SH3TC1: variants seen among roughly 807,000 people sequenced by gnomAD.
SH3TC1 encodes SH3 domain and tetratricopeptide repeats 1.
Under a neutral mutation model 117.3 loss-of-function variants are expected in SH3TC1, and 135 were observed. The observed-to-expected ratio is 1.15, with a 90% confidence interval of 1.00 to 1.33. The LOEUF (loss-of-function observed/expected upper bound fraction) is 1.33, where lower values mean the gene tolerates loss of function less well. Among genes scored for constraint, SH3TC1 ranks in the 40% most tolerant of loss-of-function variants. The pLI is 0.00. For synonymous variants in SH3TC1, 898 were observed against 816.9 expected (o/e 1.10, Z -1.69); for missense variants, 2,092 against 1,794.3 (o/e 1.17, Z -3.00).
chr4:8,222,907 G>A lies in SH3TC1; in HGVS notation c.1180G>A (p.Glu394Lys). ...SFFSEGCFSEEDARQLLRRMS... is the reference protein window; with the variant it reads ...SFFSEGCFSEKDARQLLRRMS... The stretch of plus-strand genomic sequence containing the variant: ...CTTCAGCGAGGGCTGCTTTTCTGAG[G>A]AGGATGCCAGGCAGTTGCTGAGGCG... The change falls in exon 10 of 18, where the codon GAG (glutamate) becomes AAG (lysine). Residue 394 changes from glutamate to lysine, a missense_variant. Physicochemically the swap from Glu to Lys is moderately conservative, Grantham distance 56 (BLOSUM62 1). Transcript: ENST00000245105. The A allele has an allele frequency of 6.2e-7, 1 of 1,613,578 alleles. No homozygotes were observed.
At chr4:8,237,951 C>G (rs939196658) in intron 17 of SH3TC1, among the ~76,000 whole-genome samples, 2 of 152,110 alleles carry the variant, frequency 1.3e-5, no homozygotes, top group African/African-American at 4.8e-5. Flanking sequence ...GTCAGGGGGG[C>G]CCTCCTGGAG....
chr4:8,214,091 C>G (rs975187535), intron 4 of SH3TC1, among the ~76,000 whole-genome samples: 4 of 152,048 alleles, frequency 2.6e-5, no homozygotes, highest in African/African-American at 9.7e-5. Flanking sequence ...AGAGCTGATG[C>G]TGCAGGTGGG....
intron 4 of SH3TC1, among the ~76,000 whole-genome samples, chr4:8,213,528 A>G (rs1718937935): frequency 6.6e-6 from 1 of 152,210 alleles, no homozygotes; most frequent in African/African-American, 2.4e-5. Context: ...TGTCGGGCAC[A>G]GGTGAACTGG....
intron 16 of SH3TC1, 119 bp from the exon 17 acceptor site, chr4:8,237,355 A>T: frequency 6.6e-6 from 5 of 757,622 alleles, no homozygotes; most frequent in South Asian, 2.2e-5. Context: ...CTGGGAAGGG[A>T]CTGGCCAGAA....
intron 1 of SH3TC1, among the ~76,000 whole-genome samples, chr4:8,189,861 T>C (rs527438357): frequency 3.5e-4 from 54 of 152,172 alleles, no homozygotes; most frequent in African/African-American, 1.2e-3. Flanking sequence ...AGAGAAGGCA[T>C]GACCTTTAGG....
At chr4:8,199,030 C>T (rs1717663249), upstream of SH3TC1, among the ~76,000 whole-genome samples, 1 of 152,354 alleles carries the variant, frequency 6.6e-6, no homozygotes, top group East Asian at 1.9e-4. Flanking sequence ...TGGTGGACTT[C>T]CCCAATCCCA....
At chr4:8,236,786 C>T (rs1208797870) in intron 16 of SH3TC1, 2 of 217,834 alleles carry the variant, frequency 9.2e-6, no homozygotes, top group East Asian at 9.9e-5. Context: ...CCCTCATCAA[C>T]CACACGGCTC....
chr4:8,201,746 C>A (rs528277090), intron 1 of SH3TC1: 1 of 152,472 alleles, frequency 6.6e-6, no homozygotes, highest in East Asian at 1.9e-4. Flanking sequence ...GGGAGCCCTC[C>A]TTTTCTCAGA....
At position 8,190,625 on chromosome 4, in the gene SH3TC1, G is replaced by A. The variant is rs1001685942; in HGVS notation, c.-57+8415G>A. Among the ~76,000 whole-genome samples, 3 of 152,062 alleles carry A rather than the reference G, an allele frequency of 2.0e-5. No individual in the cohort carries two copies. The highest frequency in any genetic ancestry group is 7.2e-5 in the African/African-American group (3 of 41,422). On this transcript the variant is annotated intron_variant, in intron 1 of 16. Coordinates refer to the SH3TC1 transcript ENST00000508641. This position sits in a 1 kb window ranked among gnomAD's most constrained non-coding sequence, Gnocchi z 4.7. Reference sequence around the variant, plus strand: ...GGCTGGTCCACAGGGTGTTTCTGAGGCTTGGCCTCTTCTGGCTCTGTGATC... The same window carrying A: ...GGCTGGTCCACAGGGTGTTTCTGAGACTTGGCCTCTTCTGGCTCTGTGATC...
rs372151369 is a variant in SH3TC1 at position 8,228,010 on chromosome 4, G to A, written c.2316G>A (p.Ala772=). The part of the protein sequence containing the change: ...PAQTSHYLRQ[A]LASLTPGTGQ... ...AAACTTCCCACTACCTCAGGCAAGC[G>A]CTGGCCTCCCTGACCCCGGGCACAG... The change falls in exon 12 of 18, where the codon GCG becomes GCA. Residue 772 remains alanine, a synonymous_variant. Coordinates refer to ENST00000245105, the MANE Select transcript of SH3TC1 (RefSeq NM_018986.5). 1.5e-5 allele frequency: 24 copies of A among 1,611,696 alleles called. No individual in the cohort carries two copies. The highest frequency in any genetic ancestry group is 4.4e-5 in the South Asian group (4 of 90,968).
At chr4:8,195,171 G>T (rs1039136505), upstream of SH3TC1, among the ~76,000 whole-genome samples, 4 of 152,254 alleles carry the variant, frequency 2.6e-5, no homozygotes, top group African/African-American at 7.2e-5. Flanking sequence ...CAATCCTTGT[G>T]AAGGACTGAG....
chr4:8,205,267 G>T lies in SH3TC1; in HGVS notation c.73G>T (p.Gly25Cys). Residue 25 changes from glycine (G) to cysteine (C), a missense_variant, in exon 2 of 18, where the codon GGT (glycine) becomes TGT (cysteine). By Grantham distance (159) the Gly-to-Cys change is radical (BLOSUM62 -3). Transcript: ENST00000245105. The surrounding 1 kb of genome is among the most constrained non-coding windows in gnomAD (Gnocchi z 5.4). ...GAGGGGTCCTGTGGGACCCTCAGGA[G>T]GTGGCAGCACCCGGGACCAGGTCCG... ...MGRGPVGPSG[G>C]GSTRDQVRTV... 6.4e-7 allele frequency: 1 copy of T among 1,550,676 alleles called. No homozygotes were observed. The highest frequency in any genetic ancestry group is 2.4e-5 in the East Asian group (1 of 40,954).
At position 8,228,114 on chromosome 4, in the gene SH3TC1, C is replaced by T. The variant is rs771769345; in HGVS notation, c.2420C>T (p.Thr807Ile). 15 of 1,611,780 alleles carry T rather than the reference C, an allele frequency of 9.3e-6. No homozygotes were observed. The African/African-American group carries it at 1.1e-4, about 11-fold the overall frequency. Residue 807 changes from threonine (T) to isoleucine (I), a missense_variant, in exon 12 of 18, where the codon ACC becomes ATC. Thr to Ile is a moderately conservative substitution (Grantham distance 89, BLOSUM62 -1). Coordinates refer to ENST00000245105, the MANE Select transcript of SH3TC1 (RefSeq NM_018986.5). ...SHHGCHGPAITFMTQAVEASA... is the reference protein window; with the variant it reads ...SHHGCHGPAIIFMTQAVEASA... ...CATGGCTGCCACGGCCCGGCCATCACCTTCATGACGCAGGCAGTGGAAGCC... is the reference window on the plus strand; with the variant it reads ...CATGGCTGCCACGGCCCGGCCATCATCTTCATGACGCAGGCAGTGGAAGCC...
At position 8,186,317 on chromosome 4, in the gene SH3TC1, T is replaced by A. The variant is rs1479870807; in HGVS notation, c.-57+4107T>A. On this transcript the variant is annotated intron_variant, in intron 1 of 16. Coordinates refer to the SH3TC1 transcript ENST00000508641. The surrounding 1 kb of genome is among the most constrained non-coding windows in gnomAD (Gnocchi z 5.2). ...TACCTGCCAGTTCTCCCCAGAACTG[T>A]CAAGGTCAGGAAAACAGGGACATCT... 2.6e-5 allele frequency among the ~76,000 whole-genome samples: 4 copies of A among 152,090 alleles called. No individual in the cohort carries two copies. Among genetic ancestry groups the A allele is most frequent in the Non-Finnish European group, 4.4e-5 (3 of 68,014 alleles).
At chr4:8,216,078 G>A in intron 5 of SH3TC1, 33 bp from the exon 6 acceptor site, 1 of 1,609,268 alleles carries the variant, frequency 6.2e-7, no homozygotes, top group Non-Finnish European at 8.5e-7. Flanking sequence ...CCCTCTTCTG[G>A]AGCCCTCGGG....
chr4:8,225,011 C>T lies in SH3TC1; in HGVS notation c.1244-164C>T. 1 of 812,572 alleles carries T rather than the reference C, an allele frequency of 1.2e-6. No homozygotes were observed. The highest frequency in any genetic ancestry group is 2.7e-5 in the East Asian group (1 of 36,996). 50.3% of individuals were successfully genotyped at this position (812,572 alleles called of 1,614,324 possible). Reference sequence around the variant, plus strand: ...CACCTCAGCCTGCAACACCTGCACCCTGCAACACTCCAGCCCGCAACACCA... The same window carrying T: ...CACCTCAGCCTGCAACACCTGCACCTTGCAACACTCCAGCCCGCAACACCA... On this transcript the variant is annotated intron_variant, in intron 10 of 17. Transcript: ENST00000245105. This position sits in a 1 kb window ranked among gnomAD's most constrained non-coding sequence, Gnocchi z 5.5.
intron 14 of SH3TC1, among the ~76,000 whole-genome samples, chr4:8,234,186 CCATCCATT>C (rs1186136621): frequency 2.1e-5 from 3 of 146,104 alleles, no homozygotes; most frequent in Non-Finnish European, 3.0e-5. Context: ...CATCCATCAT[CCATCCATT>C]CATCCATCCA....
chr4:8,202,713 C>T (rs1427944979), intron 1 of SH3TC1, among the ~76,000 whole-genome samples: 2 of 152,220 alleles, frequency 1.3e-5, no homozygotes, highest in Non-Finnish European at 2.9e-5. Context: ...AGGCCCTGCA[C>T]TCTGAGCATC....
chr4:8,221,132 C>G (rs1337613455), intron 9 of SH3TC1, among the ~76,000 whole-genome samples: 1 of 152,210 alleles, frequency 6.6e-6, no homozygotes. Context: ...CCATGGGACA[C>G]TCTTTGGGGA....
Sources: gnomAD v4.1 joint callset for allele counts (sites outside exome capture counted in the v4.1 genomes callset) on GRCh38, gnomAD v4.1.1 for gene constraint, Gnocchi (gnomAD v3.1) non-coding constraint, MANE v1.5 for transcripts, NCBI Gene and HGNC (gene_info 2026-07-23, HGNC 2026-07-21) for gene names.